The following PARP10 variants were observed in gnomAD, a reference collection of about 807,000 sequenced individuals.
PARP10 encodes protein mono-ADP-ribosyltransferase PARP10.
In PARP10, 56 loss-of-function variants were observed where a neutral mutation model predicts 82.4. That is an observed-to-expected ratio of 0.68 (90% confidence interval 0.55 to 0.85). The LOEUF is 0.85. Among genes scored for constraint, PARP10 ranks in the 40% least tolerant of loss-of-function variants. The pLI, the probability that PARP10 is intolerant of heterozygous loss-of-function variation, is 0.00. For synonymous variants in PARP10, 576 were observed against 601.1 expected, an observed-to-expected ratio of 0.96 and a Z score of 0.61; for missense variants, 1,227 against 1,379.4, an observed-to-expected ratio of 0.89 and a Z score of 1.75.
chr8:143,986,298 C>G, intron 1 of PARP10, 60 bp downstream of exon 1: 1 of 1,613,822 alleles, frequency 6.2e-7, no homozygotes, highest in South Asian at 1.1e-5. Flanking sequence ...CTCCCCAGGC[C>G]CCTCCAAGGT....
At chr8:143,989,303 TC>T (rs2133059090), upstream of PARP10, among the ~76,000 whole-genome samples, 1 of 152,286 alleles carries the variant, frequency 6.6e-6, no homozygotes, top group African/African-American at 2.4e-5. The surrounding 1 kb of genome is among the most constrained non-coding windows in gnomAD (Gnocchi z 4.3). Flanking sequence ...TCCTGCTGCA[TC>T]CCCAAGCCTC....
At chr8:143,997,800 C>A (rs1179556559) in intron 1 of PARP10, among the ~76,000 whole-genome samples, 1 of 148,464 alleles carries the variant, frequency 6.7e-6, no homozygotes, top group Admixed American at 6.7e-5. Context: ...TTTTTTTTTT[C>A]CTTTTTTTTG....
intron 1 of PARP10, among the ~76,000 whole-genome samples, chr8:144,001,823 T>C (rs1437962160): frequency 2.0e-5 from 3 of 151,426 alleles, no homozygotes; most frequent in African/African-American, 7.3e-5. Context: ...AGCCTAGGAG[T>C]TGGAGACCAG....
upstream of PARP10, among the ~76,000 whole-genome samples, chr8:143,995,738 C>T (rs1395950854): frequency 6.6e-6 from 1 of 152,118 alleles, no homozygotes; most frequent in Non-Finnish European, 1.5e-5. Context: ...CCCTCAGTGT[C>T]TCCTGGTTAA....
upstream of PARP10, chr8:143,991,210 C>A: frequency 6.4e-7 from 1 of 1,557,530 alleles, no homozygotes; most frequent in Admixed American, 1.9e-5. Flanking sequence ...GGGCGGACCG[C>A]GGAACCCGAG....
At chr8:143,994,021 G>A (rs1834142161), upstream of PARP10, among the ~76,000 whole-genome samples, 1 of 152,208 alleles carries the variant, frequency 6.6e-6, no homozygotes, top group Admixed American at 6.5e-5. Flanking sequence ...GCTCCTGCAG[G>A]GGGTCCCTCC....
intron 1 of PARP10, among the ~76,000 whole-genome samples, chr8:143,998,683 G>T (rs1834179062): frequency 6.6e-6 from 1 of 152,162 alleles, no homozygotes; most frequent in African/African-American, 2.4e-5. Flanking sequence ...AAAGAATCAA[G>T]GGCTGGCCTT....
chr8:143,979,811 G>C (rs1383070583), intron 9 of PARP10, among the ~76,000 whole-genome samples: 3 of 152,072 alleles, frequency 2.0e-5, no homozygotes, highest in African/African-American at 4.8e-5. Flanking sequence ...GGATCACGAG[G>C]TCGGGAGATC....
chr8:143,998,088 T>C (rs2133073668), intron 1 of PARP10, among the ~76,000 whole-genome samples: 1 of 152,256 alleles, frequency 6.6e-6, no homozygotes, highest in East Asian at 1.9e-4. Context: ...CCACCGTGCC[T>C]AGCCAAGACA....
At chr8:143,987,397 T>G (rs1181437243), upstream of PARP10, among the ~76,000 whole-genome samples, 1 of 152,148 alleles carries the variant, frequency 6.6e-6, no homozygotes, top group Non-Finnish European at 1.5e-5. Context: ...CAGCCTGCAC[T>G]CCTAGCCCTG....
At chr8:143,997,426 T>G (rs1333561229) in intron 1 of PARP10, among the ~76,000 whole-genome samples, 1 of 152,114 alleles carries the variant, frequency 6.6e-6, no homozygotes, top group African/African-American at 2.4e-5. Context: ...AAGCTCAAAA[T>G]CTTCCTCTCT....
At chr8:143,982,137 C>A (rs1400082516) in intron 9 of PARP10, among the ~76,000 whole-genome samples, 2 of 152,118 alleles carry the variant, frequency 1.3e-5, no homozygotes, top group Admixed American at 6.6e-5. Flanking sequence ...GGTGATGCTG[C>A]TGGCCCCACG....
upstream of PARP10, chr8:143,991,396 C>T (rs377024859): frequency 1.7e-6 from 2 of 1,175,126 alleles, no homozygotes; most frequent in African/African-American, 1.5e-5. Context: ...CCAGGGTACC[C>T]CCATGGCCCC....
rs370075141 is a variant in PARP10 at position 143,983,375 on chromosome 8, C to T, written c.2214G>A (p.Thr738=). Residue 738 remains threonine, a synonymous_variant, in exon 8 of 11, where the codon ACG becomes ACA. Coordinates refer to ENST00000313028, the MANE Select transcript of PARP10 (RefSeq NM_032789.5). ...GCAGTGTGCGGCGCCAGGGCCCCAC[C>T]GTCTCCTCCTGGACGTGGACCTCCA... ...AALEVHVQEE[T]VGPWRRTLPA... is the part of the protein sequence containing the mutation. 27 of 1,606,098 alleles carry T rather than the reference C, an allele frequency of 1.7e-5. No homozygotes were observed. The highest frequency in any genetic ancestry group is 1.8e-5 in the Non-Finnish European group (21 of 1,178,934).
At chr8:143,982,208 G>A (rs559643758) in intron 9 of PARP10, among the ~76,000 whole-genome samples, 13 of 152,202 alleles carry the variant, frequency 8.5e-5, no homozygotes, top group South Asian at 6.2e-4. Flanking sequence ...GGTGGCTCAC[G>A]CCTGTAATCC....
chr8:143,991,152 G>A (rs1834085744), upstream of PARP10: 5 of 1,059,498 alleles, frequency 4.7e-6, no homozygotes, highest in South Asian at 6.5e-5. Context: ...GGGTCCCGAC[G>A]CTGTCGTCAA....
rs782370760 is a variant in PARP10, at chr8:143,983,537, G to C, written c.2052C>G (p.Thr684=). The C allele has an allele frequency of 6.2e-7, 1 of 1,606,670 alleles. No homozygotes were observed. Among genetic ancestry groups the C allele is most frequent in the East Asian group, 2.2e-5 (1 of 44,652 alleles). ...ACGGGGGCTGCTCCAGCAGGGAGAG[G>C]GTTAGGGCTTGCCGCAGGGCAGCAG... ...EEAAALRQAL[T]LSLLEQPPLE... is the part of the protein sequence containing the mutation. Residue 684 remains threonine (T), a synonymous_variant, in exon 8 of 11, where the codon ACC becomes ACG. Transcript: ENST00000313028.
chr8:143,984,087 G>T lies in PARP10; in HGVS notation c.1698C>A (p.Ala566=). The change falls in exon 7 of 11, where the codon GCC becomes GCA. Residue 566 remains alanine, a synonymous_variant. Coordinates refer to ENST00000313028, the MANE Select transcript of PARP10 (RefSeq NM_032789.5). ...TGLEEVDPTE[A]LPVLPGNAHT... is the part of the protein sequence containing the mutation. ...GGGCGTTGCCAGGGAGCACTGGGAG[G>T]GCCTCGGTAGGGTCCACCTGTAGGG... The T allele has an allele frequency of 6.4e-7, 1 of 1,551,402 alleles. No individual in the cohort carries two copies. Among genetic ancestry groups the T allele is most frequent in the Non-Finnish European group, 8.7e-7 (1 of 1,148,030 alleles).
intron 1 of PARP10, among the ~76,000 whole-genome samples, chr8:144,007,023 T>C (rs1027508816): frequency 2.6e-5 from 4 of 152,194 alleles, no homozygotes; most frequent in Admixed American, 6.5e-5. Flanking sequence ...CCCCCTGCTC[T>C]GCCCCACCAA....
Sources: allele counts gnomAD v4.1 joint callset (sites outside exome capture counted in the v4.1 genomes callset), GRCh38; gene constraint gnomAD v4.1.1; non-coding constraint Gnocchi (gnomAD v3.1); transcripts MANE v1.5; gene names NCBI Gene and HGNC (gene_info 2026-07-23, HGNC 2026-07-21).